Variants in ZNF804B observed in about 807,000 individuals in gnomAD.
ZNF804B encodes the protein zinc finger 804B.
A neutral mutation model predicts 101.4 loss-of-function variants in ZNF804B; 80 were observed. That is an observed-to-expected ratio of 0.79 (90% confidence interval 0.66 to 0.95). The LOEUF (loss-of-function observed/expected upper bound fraction) is 0.95, where lower values mean the gene tolerates loss of function less well. ZNF804B is among the 40% of genes least tolerant of loss of function. The probability of loss-of-function intolerance (pLI) is 0.00; values close to 1 mark genes in which losing one functional copy is unlikely to be tolerated. For missense variants in ZNF804B, 1,673 were observed against 1,561.9 expected, an observed-to-expected ratio of 1.07 and a Z score of -1.20; for synonymous variants, 622 against 558.8, an observed-to-expected ratio of 1.11 and a Z score of -1.59.
intron 1 of ZNF804B, among the ~76,000 whole-genome samples, chr7:88,768,905 A>G (rs534718343): frequency 1.7e-3 from 258 of 152,330 alleles, no homozygotes; most frequent in Non-Finnish European, 3.2e-3. Flanking sequence ...TAGTTTTGCC[A>G]TTGACTAGTA....
intron 1 of ZNF804B, among the ~76,000 whole-genome samples, chr7:88,957,304 AC>A (rs1264470410): frequency 1.3e-5 from 2 of 151,370 alleles, no homozygotes; most frequent in Non-Finnish European, 3.0e-5. Flanking sequence ...TACTTAAGAA[AC>A]CTTGGATTGA....
At chr7:88,913,678 G>A (rs1172029364) in intron 1 of ZNF804B, among the ~76,000 whole-genome samples, 1 of 152,170 alleles carries the variant, frequency 6.6e-6, no homozygotes, top group East Asian at 1.9e-4. Context: ...TTACAGGCAT[G>A]AGCCACCACG....
chr7:89,057,653 A>C (rs1385513309), intron 1 of ZNF804B, among the ~76,000 whole-genome samples: 1 of 152,074 alleles, frequency 6.6e-6, no homozygotes, highest in Non-Finnish European at 1.5e-5. Context: ...TGAGGGATGA[A>C]GAGAGGTGAG....
intron 1 of ZNF804B, among the ~76,000 whole-genome samples, chr7:89,033,066 G>C (rs1007551555): frequency 6.7e-6 from 1 of 149,210 alleles, no homozygotes; most frequent in African/African-American, 2.5e-5. Context: ...TATCCCTCCT[G>C]TCTAATTGAG....
chr7:88,821,215 A>G (rs758158436), intron 1 of ZNF804B, among the ~76,000 whole-genome samples: 25 of 152,204 alleles, frequency 1.6e-4, no homozygotes, highest in South Asian at 4.1e-4. Context: ...CCTGGTCACA[A>G]TAGCTCCTGA....
intron 1 of ZNF804B, among the ~76,000 whole-genome samples, chr7:88,956,428 G>A (rs983401053): frequency 2.0e-5 from 3 of 151,488 alleles, no homozygotes; most frequent in African/African-American, 7.3e-5. Flanking sequence ...CATGGTTTAT[G>A]TCATTGGCTT....
chr7:89,073,951 C>G (rs978682786), intron 1 of ZNF804B, among the ~76,000 whole-genome samples: 1 of 152,128 alleles, frequency 6.6e-6, no homozygotes. Flanking sequence ...CAGAGCTTGT[C>G]ATAGTACTAA....
intron 1 of ZNF804B, among the ~76,000 whole-genome samples, chr7:88,788,620 A>T (rs941838754): frequency 6.6e-6 from 1 of 152,172 alleles, no homozygotes; most frequent in Non-Finnish European, 1.5e-5. Context: ...CTCACTGGAA[A>T]CACTGGCCTT....
rs1406101344 is a variant in ZNF804B, at chr7:89,092,533, C to T, written c.109-125622C>T. ...GTTCAAGTGATTCTCCTGCCTCAGC[C>T]TCCCGAGCAACTGGGACTACAGGCA... is the stretch of plus-strand genomic sequence containing the variant. On this transcript the variant is annotated intron_variant, in intron 1 of 3. Coordinates refer to ENST00000333190, the MANE Select transcript of ZNF804B (RefSeq NM_181646.5). Among the ~76,000 whole-genome samples, 4 of 151,342 alleles carry T rather than the reference C, an allele frequency of 2.6e-5. No individual in the cohort carries two copies. The East Asian group carries it at 5.9e-4, about 22-fold the overall frequency.
chr7:88,868,085 G>GTGTA (rs1791762509), intron 1 of ZNF804B, among the ~76,000 whole-genome samples: 1 of 140,248 alleles, frequency 7.1e-6, no homozygotes, highest in Non-Finnish European at 1.5e-5. Context: ...GTGTGTGTGT[G>GTGTA]TATTATGCTT....
intron 1 of ZNF804B, among the ~76,000 whole-genome samples, chr7:89,153,395 G>A (rs1447707908): frequency 6.7e-6 from 1 of 148,862 alleles, no homozygotes; most frequent in Non-Finnish European, 1.5e-5. Context: ...TCTGATGCTG[G>A]TACTTTAACA....
intron 1 of ZNF804B, among the ~76,000 whole-genome samples, chr7:88,833,686 T>G (rs910167366): frequency 1.3e-5 from 2 of 151,932 alleles, no homozygotes; most frequent in Admixed American, 6.6e-5. Flanking sequence ...TGGAGAGCCT[T>G]AAGTCTATTG....
chr7:89,042,213 T>C (rs1481021278), intron 1 of ZNF804B, among the ~76,000 whole-genome samples: 1 of 152,184 alleles, frequency 6.6e-6, no homozygotes, highest in East Asian at 1.9e-4. Flanking sequence ...TTATTCAATG[T>C]AGATAAACTT....
At chr7:89,123,381 A>G (rs1308041975) in intron 1 of ZNF804B, among the ~76,000 whole-genome samples, 1 of 152,186 alleles carries the variant, frequency 6.6e-6, no homozygotes, top group Non-Finnish European at 1.5e-5. Flanking sequence ...TGCATTTGTG[A>G]AGATGCACCT....
chr7:88,861,359 C>T (rs1791641845), intron 1 of ZNF804B, among the ~76,000 whole-genome samples: 2 of 152,150 alleles, frequency 1.3e-5, no homozygotes, highest in South Asian at 4.1e-4. Context: ...TAGCCAGCAA[C>T]ACACAGGAAG....
Position 89,337,150 on chromosome 7 carries a change from G to A in ZNF804B, c.*118G>A, listed in dbSNP as rs1791110837. ...AAATATTGCTGCCAATTCAAAATGT[G>A]ACAAATATATAAATATGATCTGAAT... On this transcript the variant is annotated 3_prime_UTR_variant, in exon 4 of 4. Transcript: ENST00000333190. 9.5e-7 allele frequency: 1 copy of A among 1,049,426 alleles called. No individual in the cohort carries two copies. The allele number at this position is 1,049,426 out of a possible 1,614,324, so 65.0% of individuals were successfully genotyped here. A position where few individuals can be genotyped will look rare whatever the true frequency, so the allele number is the denominator to read the frequency against.
intron 1 of ZNF804B, among the ~76,000 whole-genome samples, chr7:89,007,762 A>T (rs1055421210): frequency 6.6e-6 from 1 of 151,014 alleles, no homozygotes; most frequent in African/African-American, 2.4e-5. Context: ...AGGTGAATAT[A>T]TGTCAAATCT....
intron 1 of ZNF804B, among the ~76,000 whole-genome samples, chr7:89,097,103 C>T (rs1038051341): frequency 4.6e-5 from 7 of 152,166 alleles, no homozygotes; most frequent in Admixed American, 2.0e-4. Flanking sequence ...GAATCCCCAA[C>T]GAAAATTAAT....
chr7:88,828,777 G>T (rs1463318495), intron 1 of ZNF804B, among the ~76,000 whole-genome samples: 7 of 152,030 alleles, frequency 4.6e-5, no homozygotes, highest in Non-Finnish European at 8.8e-5. Flanking sequence ...TGTTCATTCT[G>T]ACATTTGCTT....
Sources: allele counts gnomAD v4.1 joint callset (sites outside exome capture counted in the v4.1 genomes callset), GRCh38; gene constraint gnomAD v4.1.1; transcripts MANE v1.5; gene names NCBI Gene and HGNC (gene_info 2026-07-23, HGNC 2026-07-21).